Variants in FAM184A observed in about 807,000 individuals in gnomAD.
FAM184A encodes the protein family with sequence similarity 184 member A, also known as protein FAM184A.
A neutral mutation model predicts 143.8 loss-of-function variants in FAM184A; 99 were observed. The ratio of observed to expected loss-of-function variants is 0.69; its 90% CI spans 0.58 to 0.81. FAM184A has a LOEUF of 0.81. Ranked by LOEUF, FAM184A falls within the 40% of genes least tolerant of loss-of-function variation. FAM184A has a pLI of 0.00. For synonymous variants in FAM184A, 427 were observed against 446.4 expected, an observed-to-expected ratio of 0.96 and a Z score of 0.55; for missense variants, 1,217 against 1,310.5, an observed-to-expected ratio of 0.93 and a Z score of 1.10.
intron 1 of FAM184A, among the ~76,000 whole-genome samples, chr6:119,066,585 C>A (rs1243775983): frequency 6.6e-6 from 1 of 152,154 alleles, no homozygotes; most frequent in Non-Finnish European, 1.5e-5. Context: ...ATAGAGAGAG[C>A]AAATAGCAAC....
chr6:119,071,860 C>CT (rs35786966), intron 1 of FAM184A, among the ~76,000 whole-genome samples: 44,793 of 94,232 alleles, frequency 0.48, 11,900 homozygotes, highest in East Asian at 0.69. Context: ...AACCTTTAAT[C>CT]TTTTTTTTTT....
chr6:119,034,019 A>AAAAATAT (rs1562482530), intron 1 of FAM184A, among the ~76,000 whole-genome samples: 1 of 63,524 alleles, frequency 1.6e-5, no homozygotes. Context: ...AAAAAAAAAA[A>AAAAATAT]ATATATATAT....
At chr6:119,075,903 T>C (rs1378828824) in intron 1 of FAM184A, among the ~76,000 whole-genome samples, 1 of 152,230 alleles carries the variant, frequency 6.6e-6, no homozygotes, top group African/African-American at 2.4e-5. Flanking sequence ...TATATGTTTG[T>C]AGAAACAGAA....
chr6:118,979,523 A>C lies in FAM184A; in HGVS notation c.2302-5T>G, dbSNP rs184225123. 2,824 of 1,591,008 alleles carry C rather than the reference A, an allele frequency of 1.8e-3. 4 individuals carry two copies. The highest frequency in any genetic ancestry group is 2.3e-3 in the Non-Finnish European group (2,705 of 1,172,472). On this transcript the variant is annotated splice_polypyrimidine_tract_variant and splice_region_variant and intron_variant, in intron 10 of 17. Transcript: ENST00000338891. ...TTGTAAATGATTTTCAAGAGCCTAG[A>C]ACAAGACAAATTCAAATTATTATGC...
chr6:118,997,170 G>A (rs1330276444), intron 9 of FAM184A, among the ~76,000 whole-genome samples: 1 of 151,648 alleles, frequency 6.6e-6, no homozygotes, highest in East Asian at 2.0e-4. Context: ...GGAGGCAGAG[G>A]TGGACAGATC....
At chr6:118,986,588 G>T (rs1784203883) in intron 9 of FAM184A, among the ~76,000 whole-genome samples, 1 of 152,174 alleles carries the variant, frequency 6.6e-6, no homozygotes, top group Admixed American at 6.5e-5. Context: ...AGATTTCATT[G>T]TGTTACCAGC....
intron 1 of FAM184A, among the ~76,000 whole-genome samples, chr6:119,134,578 C>T (rs969208448): frequency 6.8e-6 from 1 of 147,718 alleles, no homozygotes; most frequent in Non-Finnish European, 1.5e-5. Context: ...CACTTGAGCC[C>T]AGGAGGTCGA....
At chr6:119,066,836 G>A (rs964785151) in intron 1 of FAM184A, among the ~76,000 whole-genome samples, 13 of 152,220 alleles carry the variant, frequency 8.5e-5, no homozygotes, top group South Asian at 2.1e-4. Context: ...TGTTGCATAA[G>A]GTTAATTCAG....
chr6:119,035,759 T>A (rs549117065), intron 1 of FAM184A, among the ~76,000 whole-genome samples: 5 of 152,134 alleles, frequency 3.3e-5, no homozygotes, highest in African/African-American at 7.2e-5. Context: ...CCAAAAAAAA[T>A]TTTTTTTGAA....
rs188634216 is a variant in FAM184A, at chr6:119,129,497, T to A, written c.-202+19581A>T. Among the ~76,000 whole-genome samples, 235 of 152,278 alleles carry A rather than the reference T, an allele frequency of 1.5e-3. 1 individual carries two copies. Among genetic ancestry groups the A allele is most frequent in the African/African-American group, 5.4e-3 (224 of 41,548 alleles). On this transcript the variant is annotated intron_variant, in intron 1 of 16. Transcript: ENST00000352896. ...GTCTCATAATTAGTCTTTACATGTGTTTCAATCTGGTTTCACACTCGTTAA... is the reference window on the plus strand; with the variant it reads ...GTCTCATAATTAGTCTTTACATGTGATTCAATCTGGTTTCACACTCGTTAA...
At chr6:119,097,681 G>GA (rs929123636) in intron 1 of FAM184A, among the ~76,000 whole-genome samples, 1 of 152,144 alleles carries the variant, frequency 6.6e-6, no homozygotes, top group Non-Finnish European at 1.5e-5. Flanking sequence ...GCTTCAGGGT[G>GA]AAAAAGGTAA....
chr6:119,025,675 T>C (rs982111000), intron 1 of FAM184A: 19 of 506,452 alleles, frequency 3.8e-5, no homozygotes, highest in Middle Eastern at 6.5e-4. Flanking sequence ...CATGCCACTG[T>C]GGTCACACGG....
chr6:119,087,187 C>T (rs181718787), intron 1 of FAM184A, among the ~76,000 whole-genome samples: 1 of 152,122 alleles, frequency 6.6e-6, no homozygotes, highest in African/African-American at 2.4e-5. Flanking sequence ...GAGATGTGAG[C>T]TCAACAGTTA....
At chr6:118,984,369 G>A (rs1784125653) in intron 9 of FAM184A, among the ~76,000 whole-genome samples, 1 of 151,480 alleles carries the variant, frequency 6.6e-6, no homozygotes, top group East Asian at 1.9e-4. Flanking sequence ...CTAGAGATGA[G>A]GTATCACTCC....
chr6:119,087,098 TTGTGTATGTTTC>T (rs1482913454), intron 1 of FAM184A, among the ~76,000 whole-genome samples: 9 of 152,172 alleles, frequency 5.9e-5, no homozygotes, highest in Admixed American at 5.9e-4. Flanking sequence ...CCTTCCCAAA[TTGTGTATGTTTC>T]AGGCCCCAGA....
At chr6:118,995,031 C>T (rs879700008) in intron 9 of FAM184A, among the ~76,000 whole-genome samples, 17 of 152,152 alleles carry the variant, frequency 1.1e-4, no homozygotes, top group Non-Finnish European at 2.4e-4. Flanking sequence ...CTGACAAAAC[C>T]TGTGTCATTT....
intron 9 of FAM184A, among the ~76,000 whole-genome samples, chr6:118,986,622 A>G (rs1323517084): frequency 1.3e-5 from 2 of 152,212 alleles, no homozygotes; most frequent in Non-Finnish European, 2.9e-5. Flanking sequence ...TTTGTAGGAG[A>G]TGAATCAAGG....
chr6:118,978,666 A>G (rs1287544740), intron 11 of FAM184A, among the ~76,000 whole-genome samples: 1 of 152,186 alleles, frequency 6.6e-6, no homozygotes, highest in African/African-American at 2.4e-5. Flanking sequence ...GAGGCCCAAA[A>G]TATTGATAAC....
At chr6:119,068,247 A>G (rs1787540517) in intron 1 of FAM184A, among the ~76,000 whole-genome samples, 1 of 151,994 alleles carries the variant, frequency 6.6e-6, no homozygotes, top group South Asian at 2.1e-4. Flanking sequence ...GGGTTTCACC[A>G]TGTTGGCCAG....
Sources: allele counts gnomAD v4.1 joint callset (sites outside exome capture counted in the v4.1 genomes callset), GRCh38; gene constraint gnomAD v4.1.1; transcripts MANE v1.5; gene names NCBI Gene and HGNC (gene_info 2026-07-23, HGNC 2026-07-21).